ARHGAP26: variants seen among roughly 807,000 people sequenced by gnomAD.
The protein encoded by ARHGAP26 is rho GTPase-activating protein 26.
ARHGAP26 carries 38 observed loss-of-function variants against 104.8 expected under a neutral mutation model. That is an observed-to-expected ratio of 0.36 (90% CI 0.28 to 0.48). ARHGAP26 has a LOEUF of 0.48. Ranked by LOEUF, ARHGAP26 falls within the 20% of genes least tolerant of loss-of-function variation. ARHGAP26 has a pLI of 0.99. For missense variants in ARHGAP26, 704 were observed against 947.9 expected (o/e 0.74, Z 3.38); for synonymous variants, 341 against 340.0 (o/e 1.00, Z -0.03).
chr5:143,056,004 C>T (rs77988459), intron 15 of ARHGAP26, 24 bp from the exon 16 acceptor site: 22,104 of 1,585,840 alleles, frequency 0.014, 206 homozygotes, highest in Non-Finnish European at 0.017. Flanking sequence ...ATTAAGCTGA[C>T]TAGCCTATCT....
intron 1 of ARHGAP26, among the ~76,000 whole-genome samples, chr5:142,785,580 C>G (rs1451795094): frequency 2.0e-5 from 3 of 152,142 alleles, no homozygotes; most frequent in Admixed American, 6.6e-5. Flanking sequence ...TAGGTAGATG[C>G]ATTCCTTCAT....
intron 1 of ARHGAP26, among the ~76,000 whole-genome samples, chr5:142,820,391 G>A (rs1157636969): frequency 6.6e-6 from 1 of 152,048 alleles, no homozygotes; most frequent in African/African-American, 2.4e-5. Flanking sequence ...TCTTTTCCCT[G>A]ATCAGTCATT....
chr5:143,010,953 T>C (rs1360958414), intron 11 of ARHGAP26: 3 of 152,202 alleles, frequency 2.0e-5, no homozygotes, highest in Admixed American at 2.0e-4. Flanking sequence ...CTTCTGCACT[T>C]CCCTTGCCCA....
intron 17 of ARHGAP26, among the ~76,000 whole-genome samples, chr5:143,119,226 A>G (rs536209039): frequency 4.6e-5 from 7 of 152,316 alleles, no homozygotes; most frequent in Middle Eastern, 3.4e-3. Context: ...AAAAATGATC[A>G]TCATCCAAAC....
At position 142,907,770 on chromosome 5, in the gene ARHGAP26, T is replaced by A. The variant is rs991860653; in HGVS notation, c.899T>A (p.Met300Lys). The A allele has an allele frequency of 1.2e-6, 2 of 1,611,820 alleles. No homozygotes were observed. The highest frequency in any genetic ancestry group is 8.5e-7 in the Non-Finnish European group (1 of 1,178,490). ...TYQRDSKQITMVPFDQKSGGK... is the reference protein window; with the variant it reads ...TYQRDSKQITKVPFDQKSGGK... ...CAACGGGATTCCAAACAAATCACCATGGTACCATTTGACCAAAAGTCAGGA... is the reference window on the plus strand; with the variant it reads ...CAACGGGATTCCAAACAAATCACCAAGGTACCATTTGACCAAAAGTCAGGA... The change falls in exon 9 of 23, where the codon ATG (methionine) becomes AAG (lysine). Residue 300 changes from methionine to lysine, a missense_variant. Met to Lys is a moderately conservative substitution (Grantham distance 95). Coordinates refer to ENST00000645722, the MANE Select transcript of ARHGAP26 (RefSeq NM_001135608.3).
intron 20 of ARHGAP26, among the ~76,000 whole-genome samples, chr5:143,167,618 C>T (rs1802189486): frequency 6.6e-6 from 1 of 150,450 alleles, no homozygotes; most frequent in Non-Finnish European, 1.5e-5. Context: ...TATCACAATT[C>T]CTTAAGACCT....
At chr5:143,159,622 A>G (rs893046067) in intron 20 of ARHGAP26, among the ~76,000 whole-genome samples, 4 of 152,328 alleles carry the variant, frequency 2.6e-5, no homozygotes, top group African/African-American at 4.8e-5. Flanking sequence ...CCTCAGAGTT[A>G]ACTGATCTGA....
At chr5:142,890,584 G>T (rs1339657993) in intron 5 of ARHGAP26, among the ~76,000 whole-genome samples, 1 of 152,048 alleles carries the variant, frequency 6.6e-6, no homozygotes. Flanking sequence ...TGTGTGCAGA[G>T]TGGATTGGGG....
At chr5:142,823,421 T>A (rs1050016065) in intron 1 of ARHGAP26, among the ~76,000 whole-genome samples, 4 of 152,186 alleles carry the variant, frequency 2.6e-5, no homozygotes, top group African/African-American at 9.7e-5. Context: ...TCTTCTTCCC[T>A]GCAGAAATAA....
At chr5:142,956,667 G>A (rs1769295077) in intron 11 of ARHGAP26, among the ~76,000 whole-genome samples, 1 of 152,154 alleles carries the variant, frequency 6.6e-6, no homozygotes, top group Non-Finnish European at 1.5e-5. Flanking sequence ...ACATGGTATT[G>A]GAGACTTGTA....
intron 17 of ARHGAP26, among the ~76,000 whole-genome samples, chr5:143,099,683 C>T (rs113446846): frequency 0.01 from 1,558 of 152,244 alleles, 28 homozygotes; most frequent in African/African-American, 0.036. Context: ...AGTTCCTCTG[C>T]TGATAAGTCC....
intron 11 of ARHGAP26, among the ~76,000 whole-genome samples, chr5:143,012,069 G>T (rs1169194353): frequency 6.6e-6 from 1 of 152,118 alleles, no homozygotes; most frequent in East Asian, 1.9e-4. Flanking sequence ...CCCAGGCCAG[G>T]ATCAAAATCT....
intron 1 of ARHGAP26, among the ~76,000 whole-genome samples, chr5:142,809,705 T>G (rs1486981458): frequency 1.3e-5 from 2 of 152,212 alleles, no homozygotes; most frequent in African/African-American, 4.8e-5. Flanking sequence ...TCTTAACTTC[T>G]GCCAGTCCTG....
intron 11 of ARHGAP26, among the ~76,000 whole-genome samples, chr5:142,957,813 C>T (rs924192917): frequency 5.3e-5 from 8 of 152,260 alleles, no homozygotes; most frequent in African/African-American, 1.7e-4. Flanking sequence ...CAAAACACTG[C>T]AAACAGCGCT....
intron 1 of ARHGAP26, among the ~76,000 whole-genome samples, chr5:142,868,275 G>C (rs994912075): frequency 6.6e-6 from 1 of 152,172 alleles, no homozygotes; most frequent in African/African-American, 2.4e-5. Context: ...CATGCCCCGG[G>C]AACTGGCAGA....
At chr5:142,872,580 G>A in intron 1 of ARHGAP26, among the ~76,000 whole-genome samples, 1 of 152,220 alleles carries the variant, frequency 6.6e-6, no homozygotes, top group East Asian at 1.9e-4. Flanking sequence ...ACCCTTAAGA[G>A]ATGTTGAAGA....
At chr5:143,123,505 C>A (rs140588319) in intron 18 of ARHGAP26, among the ~76,000 whole-genome samples, 44 of 152,318 alleles carry the variant, frequency 2.9e-4, no homozygotes, top group African/African-American at 1.0e-3. Context: ...ACCATCAAAT[C>A]CAGAGCAATT....
chr5:143,108,876 G>A (rs919232748), intron 17 of ARHGAP26, among the ~76,000 whole-genome samples: 1 of 152,340 alleles, frequency 6.6e-6, no homozygotes, highest in South Asian at 2.1e-4. Context: ...CTCTTGGGAA[G>A]TGACAAGCTC....
intron 20 of ARHGAP26, among the ~76,000 whole-genome samples, chr5:143,177,099 G>C (rs906861467): frequency 3.3e-5 from 5 of 152,130 alleles, no homozygotes; most frequent in African/African-American, 9.7e-5. Flanking sequence ...TGTTGCCCTG[G>C]TATAAATTTA....
Sources: allele counts gnomAD v4.1 joint callset (sites outside exome capture counted in the v4.1 genomes callset), GRCh38; gene constraint gnomAD v4.1.1; transcripts MANE v1.5; gene names NCBI Gene and HGNC (gene_info 2026-07-23, HGNC 2026-07-21).